Variants in LTBP1 observed in about 807,000 individuals in gnomAD.
LTBP1 encodes the protein latent transforming growth factor beta binding protein 1.
LTBP1 carries 129 observed loss-of-function variants against 207.6 expected under a neutral mutation model. The ratio of observed to expected loss-of-function variants is 0.62; its 90% CI spans 0.54 to 0.72. The LOEUF (loss-of-function observed/expected upper bound fraction) is 0.72, where lower values mean the gene tolerates loss of function less well. Among genes scored for constraint, LTBP1 ranks in the 30% least tolerant of loss-of-function variants. The pLI, the probability that LTBP1 is intolerant of heterozygous loss-of-function variation, is 0.00. For synonymous variants in LTBP1, 963 were observed against 833.7 expected, an observed-to-expected ratio of 1.16 and a Z score of -2.67; for missense variants, 2,281 against 2,217.2, an observed-to-expected ratio of 1.03 and a Z score of -0.58.
intron 26 of LTBP1, among the ~76,000 whole-genome samples, chr2:33,359,524 C>T (rs1042753153): frequency 7.9e-5 from 12 of 152,200 alleles, no homozygotes; most frequent in African/African-American, 2.9e-4. Flanking sequence ...CTCTTATCCT[C>T]ATCAGTAAAT....
chr2:33,127,813 G>A (rs2081524420), intron 4 of LTBP1, among the ~76,000 whole-genome samples: 1 of 152,178 alleles, frequency 6.6e-6, no homozygotes, highest in Non-Finnish European at 1.5e-5. Context: ...AGGGTGGAAT[G>A]TGGGGAAGAA....
intron 25 of LTBP1, among the ~76,000 whole-genome samples, chr2:33,345,207 C>G (rs955413980): frequency 1.3e-5 from 2 of 152,208 alleles, no homozygotes; most frequent in Non-Finnish European, 2.9e-5. Flanking sequence ...CTAACCCACC[C>G]CCACATTTAA....
intron 24 of LTBP1, among the ~76,000 whole-genome samples, chr2:33,337,037 A>G (rs2094561047): frequency 6.6e-6 from 1 of 152,186 alleles, no homozygotes; most frequent in African/African-American, 2.4e-5. Flanking sequence ...TTTGGTTCTT[A>G]AACAAGATTT....
chr2:33,350,983 A>AAT (rs1378068538), intron 26 of LTBP1, among the ~76,000 whole-genome samples: 7 of 152,020 alleles, frequency 4.6e-5, no homozygotes, highest in Non-Finnish European at 7.4e-5. Flanking sequence ...TACAATGAAA[A>AAT]ATATATATAT....
rs1406498622 is a variant in LTBP1 at position 33,397,116 on chromosome 2, T to C, written c.4835-17T>C. The C allele has an allele frequency of 6.2e-7, 1 of 1,611,418 alleles. No individual in the cohort carries two copies. The highest frequency in any genetic ancestry group is 1.1e-5 in the South Asian group (1 of 90,656). ...AGTTGAGAAGCTCTAACTTAGCTTC[T>C]GCCCTTTCCTTTCCAGGTTTTCTAA... On this transcript the variant is annotated splice_polypyrimidine_tract_variant and intron_variant, in intron 32 of 33. Transcript: ENST00000404816.
chr2:32,989,917 C>A (rs1489801326), intron 2 of LTBP1, among the ~76,000 whole-genome samples: 1 of 152,160 alleles, frequency 6.6e-6, no homozygotes, highest in Non-Finnish European at 1.5e-5. Flanking sequence ...AGACCAGAAT[C>A]TGGCATTTAC....
intron 5 of LTBP1, among the ~76,000 whole-genome samples, chr2:33,146,402 C>G (rs2150890089): frequency 6.6e-6 from 1 of 152,270 alleles, no homozygotes; most frequent in Admixed American, 6.5e-5. Flanking sequence ...TTGAGTCACA[C>G]AGACATAGCC....
rs1676315314 is a variant in LTBP1, at chr2:32,947,299, ACCGGTCGCGC to A, written c.-22_-13del. ...GGGGGAGGGGGCCGGACCGCGCGCG[ACCGGTCGCGC>A]CCGCTGGGGCCCGCGATGGCGGGGG... On this transcript the variant is annotated 5_prime_UTR_variant, in exon 1 of 34. Coordinates refer to ENST00000404816, the MANE Select transcript of LTBP1 (RefSeq NM_206943.4). 1 of 960,160 alleles carries A rather than the reference ACCGGTCGCGC, an allele frequency of 1.0e-6. No homozygotes were observed. The highest frequency in any genetic ancestry group is 5.1e-5 in the East Asian group (1 of 19,750). The allele number at this position is 960,160 out of a possible 1,614,324, so 59.5% of individuals were successfully genotyped here. A position where few individuals can be genotyped will look rare whatever the true frequency, so the allele number is the denominator to read the frequency against.
intron 9 of LTBP1, among the ~76,000 whole-genome samples, chr2:33,232,992 C>A (rs1225696788): frequency 6.6e-6 from 1 of 152,028 alleles, no homozygotes; most frequent in South Asian, 2.1e-4. Flanking sequence ...AGATAATCTC[C>A]TAATTCTTTA....
At position 33,137,170 on chromosome 2, in the gene LTBP1, A is replaced by G. The variant is rs551882522; in HGVS notation, c.1201+2210A>G. On this transcript the variant is annotated intron_variant, in intron 5 of 33. Transcript: ENST00000404816. ...GAAAAATTCAAAAACGTTTATGCAT[A>G]TATCTTTTTGGGACTTTACTGGTTT... Among the ~76,000 whole-genome samples, 18 of 152,340 alleles carry G rather than the reference A, an allele frequency of 1.2e-4. 1 individual carries two copies. In the South Asian group the frequency reaches 3.7e-3, roughly 32 times the overall value.
In LTBP1 at chr2:33,074,734, G is replaced by A. The variant is rs558738728; in HGVS notation, c.864-35848G>A. ...AAATACAAAAAATTAGCCAGGCATG[G>A]TGGCAGTCGCCTGTAGTCCCTGCTA... On this transcript the variant is annotated intron_variant, in intron 3 of 33. Transcript: ENST00000404816. Among the ~76,000 whole-genome samples the A allele has an allele frequency of 5.3e-5, 8 of 152,322 alleles. No individual in the cohort carries two copies. In the South Asian group the frequency reaches 1.7e-3, roughly 32 times the overall value.
intron 15 of LTBP1, among the ~76,000 whole-genome samples, chr2:33,266,830 G>C (rs1004925067): frequency 3.9e-5 from 6 of 152,138 alleles, no homozygotes; most frequent in African/African-American, 1.4e-4. Flanking sequence ...ATTCTTCCTG[G>C]ATGTGGGACA....
intron 9 of LTBP1, among the ~76,000 whole-genome samples, chr2:33,227,246 C>A (rs202153652): frequency 2.0e-4 from 31 of 151,938 alleles, no homozygotes; most frequent in Admixed American, 7.2e-4. Context: ...AGGCTGGTCT[C>A]GAATTCCTGG....
At chr2:33,090,737 T>C (rs965228274) in intron 3 of LTBP1, among the ~76,000 whole-genome samples, 8 of 152,098 alleles carry the variant, frequency 5.3e-5, no homozygotes, top group Non-Finnish European at 7.4e-5. Flanking sequence ...TTTAGTGAGA[T>C]AGCATACAGA....
rs1267297371 is a variant in LTBP1 at position 33,171,914 on chromosome 2, G to A, written c.1202-14942G>A. On this transcript the variant is annotated intron_variant, in intron 5 of 33. Transcript: ENST00000404816. ...TTCATATCCAGCCAAACTAAGCTTC[G>A]GAAGTGAAGGAGAAATAAAATACTT... 3.5e-4 allele frequency among the ~76,000 whole-genome samples: 54 copies of A among 152,122 alleles called. 1 individual carries two copies. The highest frequency in any genetic ancestry group is 3.4e-3 in the Middle Eastern group (1 of 294).
chr2:33,275,767 C>T (rs759825273), intron 17 of LTBP1, 34 bp from the exon 18 acceptor site: 2 of 1,613,070 alleles, frequency 1.2e-6, no homozygotes, highest in East Asian at 2.2e-5. Context: ...GTATTTGGAA[C>T]ACAAAACTCA....
At chr2:33,121,709 T>A (rs2081134968) in intron 4 of LTBP1, among the ~76,000 whole-genome samples, 1 of 152,150 alleles carries the variant, frequency 6.6e-6, no homozygotes. Context: ...CCAAACAAAA[T>A]CTTTTGATTT....
At chr2:33,018,870 T>A (rs1325092917) in intron 2 of LTBP1, among the ~76,000 whole-genome samples, 1 of 152,108 alleles carries the variant, frequency 6.6e-6, no homozygotes, top group Non-Finnish European at 1.5e-5. Context: ...TGGCTCCATT[T>A]TTTTTTTTCT....
At chr2:33,273,623 G>T in intron 15 of LTBP1, 33 bp from the exon 16 acceptor site, 1 of 1,556,880 alleles carries the variant, frequency 6.4e-7, no homozygotes, top group Non-Finnish European at 8.7e-7. Context: ...CATTTCTGTG[G>T]GTTTTTTCAC....
Sources: gnomAD v4.1 joint callset for allele counts (sites outside exome capture counted in the v4.1 genomes callset) on GRCh38, gnomAD v4.1.1 for gene constraint, MANE v1.5 for transcripts, NCBI Gene and HGNC (gene_info 2026-07-23, HGNC 2026-07-21) for gene names.